Variants in SUMF1 observed in about 807,000 individuals in gnomAD.
The protein encoded by SUMF1 is sulfatase modifying factor 1.
SUMF1 carries 48 observed loss-of-function variants against 47.6 expected under a neutral mutation model. That is an observed-to-expected ratio of 1.01 (90% CI 0.80 to 1.28). The LOEUF (loss-of-function observed/expected upper bound fraction) is 1.28. Ranked by LOEUF, SUMF1 falls within the 50% of genes most tolerant of loss-of-function variation. The pLI, the probability that SUMF1 is intolerant of heterozygous loss-of-function variation, is 0.00. For missense variants in SUMF1, 571 were observed against 485.4 expected (o/e 1.18, Z -1.66); for synonymous variants, 230 against 192.1 (o/e 1.20, Z -1.63).
chr3:4,123,125 C>T (rs146548771), intron 8 of SUMF1, among the ~76,000 whole-genome samples: 40 of 152,188 alleles, frequency 2.6e-4, no homozygotes, highest in African/African-American at 9.2e-4. Flanking sequence ...TAATTGATCA[C>T]AGCTATGAAG....
chr3:4,384,988 C>T (rs368726963), intron 7 of SUMF1, among the ~76,000 whole-genome samples: 17 of 151,894 alleles, frequency 1.1e-4, no homozygotes, highest in African/African-American at 3.1e-4. Flanking sequence ...CAGGTTCAAG[C>T]GATTCTCCTG....
At chr3:4,230,062 A>T (rs989182925) in intron 8 of SUMF1, among the ~76,000 whole-genome samples, 3 of 152,000 alleles carry the variant, frequency 2.0e-5, no homozygotes, top group African/African-American at 7.3e-5. Context: ...GTGAGAATTT[A>T]CGATAGTTTT....
intron 8 of SUMF1, among the ~76,000 whole-genome samples, chr3:4,318,822 C>A (rs569943767): frequency 1.3e-5 from 2 of 152,102 alleles, no homozygotes; most frequent in Admixed American, 6.5e-5. Context: ...GCAGGAGAAT[C>A]ATTTGAACCT....
At chr3:4,050,652 A>T (rs1695091488) in intron 9 of SUMF1, among the ~76,000 whole-genome samples, 1 of 149,980 alleles carries the variant, frequency 6.7e-6, no homozygotes, top group Non-Finnish European at 1.5e-5. Context: ...CTGAGGTGGG[A>T]GAATCACCTG....
At chr3:4,144,890 C>T (rs977754615) in intron 8 of SUMF1, among the ~76,000 whole-genome samples, 7 of 152,090 alleles carry the variant, frequency 4.6e-5, no homozygotes, top group African/African-American at 1.7e-4. Context: ...ATTATTCTTA[C>T]GGTATAAGGG....
chr3:4,301,719 A>T (rs1697970553), intron 8 of SUMF1, among the ~76,000 whole-genome samples: 1 of 152,208 alleles, frequency 6.6e-6, no homozygotes, highest in Admixed American at 6.5e-5. Flanking sequence ...TTCCCAGTTA[A>T]CTTTAAAGAA....
intron 8 of SUMF1, among the ~76,000 whole-genome samples, chr3:4,143,988 C>CTTT (rs10598580): frequency 1.2e-4 from 10 of 85,652 alleles, no homozygotes; most frequent in Non-Finnish European, 2.2e-4. Context: ...TCTTCTCTCT[C>CTTT]TTTTTTTTTT....
intron 8 of SUMF1, among the ~76,000 whole-genome samples, chr3:4,321,848 G>C (rs1698843371): frequency 6.6e-6 from 1 of 152,092 alleles, no homozygotes; most frequent in African/African-American, 2.4e-5. Flanking sequence ...AGGAAAGGGA[G>C]GGGAGCAGAG....
intron 8 of SUMF1, among the ~76,000 whole-genome samples, chr3:4,213,805 G>A (rs1228667270): frequency 6.6e-6 from 1 of 152,122 alleles, no homozygotes; most frequent in African/African-American, 2.4e-5. Context: ...GATCAAAAGA[G>A]ACAAAGAAGG....
intron 3 of SUMF1, among the ~76,000 whole-genome samples, chr3:4,437,291 G>C (rs1423082964): frequency 6.6e-6 from 1 of 152,080 alleles, no homozygotes; most frequent in African/African-American, 2.4e-5. Context: ...TAAGGTCATG[G>C]GATTATTCAA....
chr3:4,370,603 A>G (rs576633573), intron 8 of SUMF1, among the ~76,000 whole-genome samples: 30 of 152,318 alleles, frequency 2.0e-4, no homozygotes, highest in Admixed American at 8.5e-4. Flanking sequence ...TGAGGATTCT[A>G]CAGCTGCGAC....
At chr3:4,219,759 G>A (rs1696020450) in intron 8 of SUMF1, among the ~76,000 whole-genome samples, 1 of 152,044 alleles carries the variant, frequency 6.6e-6, no homozygotes, top group South Asian at 2.1e-4. Context: ...ATAAATTCCT[G>A]GGCATCATCC....
At chr3:4,144,235 G>A (rs1368151441) in intron 8 of SUMF1, among the ~76,000 whole-genome samples, 2 of 151,974 alleles carry the variant, frequency 1.3e-5, no homozygotes, top group Non-Finnish European at 2.9e-5. Context: ...CAAAAGTGCT[G>A]GAATTATAGG....
At chr3:4,049,785 TTCTGTACCCAAGC>T (rs1368718422) in intron 9 of SUMF1, among the ~76,000 whole-genome samples, 1 of 152,106 alleles carries the variant, frequency 6.6e-6, no homozygotes, top group Non-Finnish European at 1.5e-5. Flanking sequence ...TGTGACAGCT[TTCTGTACCCAAGC>T]TCTCGTCCAA....
In SUMF1 at chr3:4,096,803, G is replaced by A. The variant is rs577325900; in HGVS notation, c.1015-28058C>T. On this transcript the variant is annotated intron_variant and NMD_transcript_variant, in intron 8 of 12. Transcript: ENST00000448413. Reference sequence around the variant, plus strand: ...CATAGTGAGGGTAGTGGGCTGGGTCGGAACCAGGGTGAGCTACTATGTGAA... The same window carrying A: ...CATAGTGAGGGTAGTGGGCTGGGTCAGAACCAGGGTGAGCTACTATGTGAA... 7.9e-5 allele frequency among the ~76,000 whole-genome samples: 12 copies of A among 152,128 alleles called. No homozygotes were observed. In the South Asian group the frequency reaches 1.0e-3, roughly 13 times the overall value.
chr3:4,207,827 AG>A (rs1695686763), intron 8 of SUMF1, among the ~76,000 whole-genome samples: 1 of 152,192 alleles, frequency 6.6e-6, no homozygotes, highest in Non-Finnish European at 1.5e-5. Flanking sequence ...GAAACTCACA[AG>A]AAGAAATTCT....
intron 9 of SUMF1, among the ~76,000 whole-genome samples, chr3:4,049,622 C>T (rs1260218508): frequency 1.3e-5 from 2 of 152,122 alleles, no homozygotes; most frequent in African/African-American, 4.8e-5. Context: ...TGGGCTCCAG[C>T]CCCAGGGCAG....
At chr3:4,238,245 T>G (rs1264072024) in intron 8 of SUMF1, among the ~76,000 whole-genome samples, 1 of 152,168 alleles carries the variant, frequency 6.6e-6, no homozygotes, top group African/African-American at 2.4e-5. Flanking sequence ...AACATACGTG[T>G]GCATGTGTCT....
chr3:4,253,741 G>C (rs1480713525), intron 8 of SUMF1, among the ~76,000 whole-genome samples: 32 of 145,792 alleles, frequency 2.2e-4, no homozygotes, highest in Admixed American at 5.4e-4. Flanking sequence ...CAGGAAGCTC[G>C]AATTGGGTGG....
Sources: gnomAD v4.1 joint callset for allele counts (sites outside exome capture counted in the v4.1 genomes callset) on GRCh38, gnomAD v4.1.1 for gene constraint, MANE v1.5 for transcripts, NCBI Gene and HGNC (gene_info 2026-07-23, HGNC 2026-07-21) for gene names.